The following ENOX1 variants were observed in gnomAD, a reference collection of about 807,000 sequenced individuals.
The protein encoded by ENOX1 is ecto-NOX disulfide-thiol exchanger 1.
In ENOX1, 42 loss-of-function variants were observed where a neutral mutation model predicts 82.5. The observed-to-expected ratio is 0.51, with a 90% confidence interval of 0.40 to 0.66. The LOEUF is 0.66. ENOX1 is among the 30% of genes least tolerant of loss of function. The pLI, the probability that ENOX1 is intolerant of heterozygous loss-of-function variation, is 0.00. For synonymous variants in ENOX1, 271 were observed against 282.2 expected, an observed-to-expected ratio of 0.96 and a Z score of 0.40; for missense variants, 608 against 811.6, an observed-to-expected ratio of 0.75 and a Z score of 3.05.
intron 7 of ENOX1, among the ~76,000 whole-genome samples, chr13:43,358,294 T>C (rs1412142242): frequency 6.6e-6 from 1 of 152,172 alleles, no homozygotes; most frequent in Non-Finnish European, 1.5e-5. Flanking sequence ...AGTTGACCTG[T>C]GAGCATGGGT....
At chr13:43,402,367 G>A (rs2053548086) in intron 5 of ENOX1, among the ~76,000 whole-genome samples, 1 of 152,142 alleles carries the variant, frequency 6.6e-6, no homozygotes, top group Non-Finnish European at 1.5e-5. Flanking sequence ...AAGTATAAAA[G>A]TGACTTTTCC....
At chr13:43,657,530 C>T (rs1032240719) in intron 2 of ENOX1, among the ~76,000 whole-genome samples, 1 of 152,198 alleles carries the variant, frequency 6.6e-6, no homozygotes, top group African/African-American at 2.4e-5. Flanking sequence ...GCACTAGAAA[C>T]ATCCATGGAC....
chr13:43,676,134 G>A (rs970538175), intron 1 of ENOX1, among the ~76,000 whole-genome samples: 4 of 152,162 alleles, frequency 2.6e-5, no homozygotes, highest in African/African-American at 4.8e-5. Flanking sequence ...AGGAATCACA[G>A]GCCTATCAGT....
At chr13:43,315,497 A>G (rs1357374705) in intron 11 of ENOX1, among the ~76,000 whole-genome samples, 3 of 152,224 alleles carry the variant, frequency 2.0e-5, no homozygotes, top group Non-Finnish European at 4.4e-5. Context: ...AAAAGCTTAC[A>G]AAGTTGCCCA....
intron 2 of ENOX1, among the ~76,000 whole-genome samples, chr13:43,624,712 A>G (rs1364056739): frequency 3.3e-5 from 5 of 152,056 alleles, no homozygotes; most frequent in African/African-American, 7.2e-5. Context: ...ACTTCTGTTC[A>G]TATTTGTGTG....
At chr13:43,709,938 CAACA>C (rs1054866977) in intron 1 of ENOX1, among the ~76,000 whole-genome samples, 71 of 152,146 alleles carry the variant, frequency 4.7e-4, no homozygotes, top group African/African-American at 1.6e-3. Context: ...GTTTTACTTT[CAACA>C]AACAGATCAT....
At chr13:43,488,652 A>T (rs901790963) in intron 2 of ENOX1, among the ~76,000 whole-genome samples, 8 of 152,188 alleles carry the variant, frequency 5.3e-5, no homozygotes, top group Non-Finnish European at 1.2e-4. Context: ...CATGAACAGA[A>T]CATTAAGGGC....
At chr13:43,620,928 C>T (rs1392124728) in intron 2 of ENOX1, among the ~76,000 whole-genome samples, 1 of 152,082 alleles carries the variant, frequency 6.6e-6, no homozygotes, top group East Asian at 1.9e-4. Flanking sequence ...TTGGGAGCTC[C>T]AGTGTTAGGT....
intron 13 of ENOX1, among the ~76,000 whole-genome samples, chr13:43,267,195 C>T (rs966531211): frequency 1.1e-4 from 16 of 152,180 alleles, no homozygotes; most frequent in Non-Finnish European, 1.9e-4. Context: ...GCTCCCTGTT[C>T]TTCTCTCCTT....
intron 14 of ENOX1, among the ~76,000 whole-genome samples, chr13:43,263,241 C>T (rs1419171159): frequency 1.3e-5 from 2 of 152,146 alleles, no homozygotes; most frequent in East Asian, 3.9e-4. Flanking sequence ...TAAAGATTAG[C>T]CCAGCCCTCT....
At chr13:43,577,171 G>A (rs7330769) in intron 2 of ENOX1, among the ~76,000 whole-genome samples, 18 of 151,452 alleles carry the variant, frequency 1.2e-4, no homozygotes, top group South Asian at 2.1e-4. Context: ...TCGCTCAGTC[G>A]CCCAGGCTGG....
At chr13:43,469,338 T>A (rs2057884213) in intron 3 of ENOX1, among the ~76,000 whole-genome samples, 1 of 152,032 alleles carries the variant, frequency 6.6e-6, no homozygotes, top group African/African-American at 2.4e-5. Context: ...TAGTCTTTTT[T>A]ATATGTTGCT....
chr13:43,628,493 C>T (rs1347669188), intron 2 of ENOX1, among the ~76,000 whole-genome samples: 1 of 152,080 alleles, frequency 6.6e-6, no homozygotes, highest in Non-Finnish European at 1.5e-5. Flanking sequence ...TATTTCTTTG[C>T]TGAGCTTTCT....
intron 1 of ENOX1, among the ~76,000 whole-genome samples, chr13:43,766,532 G>C (rs1951281360): frequency 6.6e-6 from 1 of 152,112 alleles, no homozygotes; most frequent in South Asian, 2.1e-4. Context: ...GGGACAATGG[G>C]GTAGCACACT....
intron 3 of ENOX1, among the ~76,000 whole-genome samples, chr13:43,470,336 A>C (rs1160111090): frequency 4.3e-5 from 1 of 23,160 alleles, no homozygotes; most frequent in Non-Finnish European, 9.4e-5. Context: ...ATATGTATAT[A>C]TATACGTATA....
chr13:43,730,398 G>A (rs1267680537), intron 1 of ENOX1, among the ~76,000 whole-genome samples: 25 of 152,136 alleles, frequency 1.6e-4, no homozygotes, highest in Admixed American at 1.6e-3. Flanking sequence ...ACAAGGACTT[G>A]GGGGTTCATT....
At chr13:43,404,476 A>T (rs2053670867) in intron 5 of ENOX1, among the ~76,000 whole-genome samples, 1 of 152,170 alleles carries the variant, frequency 6.6e-6, no homozygotes, top group Non-Finnish European at 1.5e-5. Context: ...CCTGCTAACT[A>T]GATAAGTCTA....
intron 2 of ENOX1, among the ~76,000 whole-genome samples, chr13:43,552,800 T>C (rs530337708): frequency 4.5e-4 from 69 of 152,322 alleles, no homozygotes; most frequent in African/African-American, 1.5e-3. Context: ...CAGTTATTTG[T>C]TGAGCTAATG....
chr13:43,424,740 C>T (rs1452940086), intron 3 of ENOX1, among the ~76,000 whole-genome samples: 1 of 152,192 alleles, frequency 6.6e-6, no homozygotes, highest in African/African-American at 2.4e-5. Flanking sequence ...TGCTCATGCT[C>T]TGTAACCAGT....
Sources: allele counts gnomAD v4.1 joint callset (sites outside exome capture counted in the v4.1 genomes callset), GRCh38; gene constraint gnomAD v4.1.1; transcripts MANE v1.5; gene names NCBI Gene and HGNC (gene_info 2026-07-23, HGNC 2026-07-21).